STAG2: variants seen among roughly 807,000 people sequenced by gnomAD.
The protein encoded by STAG2 is cohesin subunit SA-2.
In STAG2, 14 loss-of-function variants were observed where a neutral mutation model predicts 108.1. The observed-to-expected ratio is 0.13, with a 90% confidence interval of 0.09 to 0.20. The LOEUF is 0.20. STAG2 is among the 10% of genes least tolerant of loss of function. STAG2 has a pLI of 1.00. For synonymous variants in STAG2, 307 were observed against 302.7 expected, an observed-to-expected ratio of 1.01 and a Z score of -0.15; for missense variants, 440 against 940.9, an observed-to-expected ratio of 0.47 and a Z score of 6.96.
At chrX:124,058,905 T>C (rs1438473542) in intron 15 of STAG2, among the ~76,000 whole-genome samples, 1 of 112,541 alleles carries the variant, frequency 8.9e-6, no homozygotes, top group African/African-American at 3.2e-5. Flanking sequence ...TTTTATTCTT[T>C]AGGATTTTCT....
chrX:123,970,961 A>C (rs1188566246), intron 1 of STAG2, among the ~76,000 whole-genome samples: 1 of 111,781 alleles, frequency 8.9e-6, no homozygotes, highest in East Asian at 2.8e-4. Context: ...TCAAGGGAAG[A>C]GTGAGTGAAA....
At chrX:124,073,903 A>G (rs1429260288) in intron 25 of STAG2, among the ~76,000 whole-genome samples, 1 of 111,362 alleles carries the variant, frequency 9.0e-6, no homozygotes, top group Non-Finnish European at 1.9e-5. Context: ...CCCTTATCCC[A>G]TTATCCTCCC....
At chrX:124,034,118 C>A (rs2057432341) in intron 5 of STAG2, among the ~76,000 whole-genome samples, 1 of 112,328 alleles carries the variant, frequency 8.9e-6, no homozygotes, top group Admixed American at 9.4e-5. Context: ...CCATTTTTAT[C>A]TAAAAATGAA....
chrX:124,009,977 CA>C (rs2056465474), intron 1 of STAG2, among the ~76,000 whole-genome samples: 1 of 108,813 alleles, frequency 9.2e-6, no homozygotes, highest in South Asian at 3.9e-4. Context: ...TCTTAATTTA[CA>C]AAATGACATC....
intron 13 of STAG2, among the ~76,000 whole-genome samples, chrX:124,053,595 A>G (rs1046551805): frequency 9.0e-6 from 1 of 111,725 alleles, no homozygotes; most frequent in Admixed American, 9.5e-5. Flanking sequence ...TTATAAAATC[A>G]TAGTAATTTA....
chrX:124,050,315 A>G lies in STAG2; in HGVS notation c.1017+6A>G, dbSNP rs779429188. On this transcript the variant is annotated splice_donor_region_variant and intron_variant, in intron 11 of 34. Transcript: ENST00000371145. ...GTTGGACTATGCATGATAAGGTAAG[A>G]TGTGCCCTTCAGACTGCTTCTTTCT... 3 of 1,198,418 alleles carry G rather than the reference A, an allele frequency of 2.5e-6. No homozygotes were observed. The highest frequency in any genetic ancestry group is 2.2e-6 in the Non-Finnish European group (2 of 888,952).
At chrX:124,091,687 G>T (rs2059254207) in intron 32 of STAG2, among the ~76,000 whole-genome samples, 1 of 112,334 alleles carries the variant, frequency 8.9e-6, no homozygotes, top group Non-Finnish European at 1.9e-5. Flanking sequence ...TTGCCACATT[G>T]TATTGTAAAT....
chrX:124,083,472 T>C lies in STAG2; in HGVS notation c.2976T>C (p.His992=), dbSNP rs759603500. The stretch of plus-strand genomic sequence containing the variant: ...AGCCTAATCCGCAAGGGGAGAGCCA[T>C]CCACCTTTAAATTTGGCATTTCTTG... ...FKEPNPQGES[H]PPLNLAFLDI... Residue 992 remains histidine, a synonymous_variant, in exon 29 of 35, where the codon CAT becomes CAC. Transcript: ENST00000371145. 8.3e-7 allele frequency: 1 copy of C among 1,199,990 alleles called. No individual in the cohort carries two copies. Among genetic ancestry groups the C allele is most frequent in the Non-Finnish European group, 1.1e-6 (1 of 888,340 alleles).
At chrX:124,017,063 T>G (rs779367929) in intron 1 of STAG2, among the ~76,000 whole-genome samples, 2 of 110,880 alleles carry the variant, frequency 1.8e-5, no homozygotes, top group Non-Finnish European at 3.8e-5. Flanking sequence ...GTGAGAGAAT[T>G]AACATACCAG....
rs566678987 is a variant in STAG2, at chrX:123,977,016, T to G, written c.-163+15160T>G. On this transcript the variant is annotated intron_variant, in intron 1 of 34. Coordinates refer to ENST00000371145, the MANE Select transcript of STAG2 (RefSeq NM_001042750.2). Reference sequence around the variant, plus strand: ...GTCAGGAACCTTTTGGGGGATTAAGTAGGAGGAAAGCTTATTTTCAGCTGA... The same window carrying G: ...GTCAGGAACCTTTTGGGGGATTAAGGAGGAGGAAAGCTTATTTTCAGCTGA... Among the ~76,000 whole-genome samples, 184 of 111,995 alleles carry G rather than the reference T, an allele frequency of 1.6e-3. 1 individual carries two copies. The Middle Eastern group carries it at 0.028, about 17-fold the overall frequency.
chrX:123,999,162 T>A (rs2055905931), intron 1 of STAG2, among the ~76,000 whole-genome samples: 1 of 111,569 alleles, frequency 9.0e-6, no homozygotes, highest in Admixed American at 9.5e-5. Context: ...TATACACATA[T>A]ATATGTGCCA....
At chrX:123,996,179 A>G (rs1360740906) in intron 1 of STAG2, among the ~76,000 whole-genome samples, 2 of 112,439 alleles carry the variant, frequency 1.8e-5, no homozygotes, top group African/African-American at 3.2e-5. Flanking sequence ...CCTTTGGCCA[A>G]TGCCTTCAAT....
intron 1 of STAG2, among the ~76,000 whole-genome samples, chrX:123,995,362 A>G (rs1442322458): frequency 8.9e-6 from 1 of 112,113 alleles, no homozygotes; most frequent in Non-Finnish European, 1.9e-5. Flanking sequence ...AGAAGCCTGA[A>G]AGGCTATTTA....
At chrX:124,055,983 T>C in intron 13 of STAG2, 145 bp from the exon 14 acceptor site, 1 of 257,259 alleles carries the variant, frequency 3.9e-6, no homozygotes, top group Non-Finnish European at 6.1e-6. Context: ...GGTAATTAAA[T>C]AAGCTTGATT....
At chrX:124,095,771 G>A (rs1222801723) in intron 34 of STAG2, among the ~76,000 whole-genome samples, 2 of 111,107 alleles carry the variant, frequency 1.8e-5, no homozygotes, top group Non-Finnish European at 3.8e-5. Flanking sequence ...GATCAGAATT[G>A]TGTTTCAGAA....
At chrX:124,001,815 A>C (rs2056056268) in intron 1 of STAG2, among the ~76,000 whole-genome samples, 1 of 111,774 alleles carries the variant, frequency 8.9e-6, no homozygotes, top group Non-Finnish European at 1.9e-5. Flanking sequence ...TTGCCCAGTG[A>C]TGCATTTCTC....
At chrX:124,014,212 A>G (rs1253691612) in intron 1 of STAG2, among the ~76,000 whole-genome samples, 2 of 111,904 alleles carry the variant, frequency 1.8e-5, no homozygotes, top group East Asian at 5.6e-4. Flanking sequence ...CTGTATCTGT[A>G]GACTGCCCCA....
chrX:124,090,186 A>AAAAAAAT lies in STAG2; in HGVS notation c.3278-389_3278-388insAAAAAAT, dbSNP rs1569521239. Among the ~76,000 whole-genome samples the AAAAAAAT allele has an allele frequency of 2.0e-5, 2 of 100,061 alleles. 1 individual carries two copies. Among genetic ancestry groups the AAAAAAAT allele is most frequent in the Non-Finnish European group, 4.1e-5 (2 of 49,156 alleles). The allele number at this position is 100,061 out of a possible 115,157, so 86.9% of individuals were successfully genotyped here. ...AAAAAAAAAAAAAAAAAAAAAAAAA[A>AAAAAAAT]GGTTTAGTCCTTGTTTCCTGCCTTA... On this transcript the variant is annotated intron_variant, in intron 30 of 34. Coordinates refer to ENST00000371145, the MANE Select transcript of STAG2 (RefSeq NM_001042750.2).
chrX:124,006,685 C>T (rs1195139654), intron 1 of STAG2, among the ~76,000 whole-genome samples: 6 of 111,031 alleles, frequency 5.4e-5, no homozygotes, highest in East Asian at 2.8e-4. Context: ...GTGATCCGCC[C>T]ACCTCGGCCT....
Sources: allele counts gnomAD v4.1 joint callset (sites outside exome capture counted in the v4.1 genomes callset), GRCh38; gene constraint gnomAD v4.1.1; transcripts MANE v1.5; gene names NCBI Gene and HGNC (gene_info 2026-07-23, HGNC 2026-07-21).